TTLL7: variants seen among roughly 807,000 people sequenced by gnomAD.
The protein encoded by TTLL7 is tubulin tyrosine ligase like 7.
Under a neutral mutation model 120.2 loss-of-function variants are expected in TTLL7, and 53 were observed. The observed-to-expected ratio is 0.44, with a 90% CI of 0.35 to 0.55. The LOEUF is 0.55. Ranked by LOEUF, TTLL7 falls within the 20% of genes least tolerant of loss-of-function variation. TTLL7 has a pLI of 0.00. For synonymous variants in TTLL7, 353 were observed against 351.7 expected (o/e 1.00, Z -0.04); for missense variants, 803 against 1,054.7 (o/e 0.76, Z 3.31).
At chr1:83,903,370 A>T (rs1333877753) in intron 18 of TTLL7, among the ~76,000 whole-genome samples, 1 of 151,972 alleles carries the variant, frequency 6.6e-6, no homozygotes, top group African/African-American at 2.4e-5. Context: ...GTATAGCATG[A>T]TTCTCATTTA....
chr1:83,887,093 C>A, intron 19 of TTLL7: 1 of 327,108 alleles, frequency 3.1e-6, no homozygotes. Context: ...CAGCAAAACC[C>A]CTTGGCCAAC....
At position 83,999,064 on chromosome 1, in the gene TTLL7, C is replaced by G. The variant is rs1330362648; in HGVS notation, c.-310G>C. 1 of 446,480 alleles carries G rather than the reference C, an allele frequency of 2.2e-6. No homozygotes were observed. Among genetic ancestry groups the G allele is most frequent in the Non-Finnish European group, 4.5e-6 (1 of 224,356 alleles). 27.7% of individuals were successfully genotyped at this position (446,480 alleles called of 1,614,324 possible). On this transcript the variant is annotated 5_prime_UTR_variant, in exon 1 of 21. Coordinates refer to ENST00000260505, the MANE Select transcript of TTLL7 (RefSeq NM_024686.6). Reference sequence around the variant, plus strand: ...CCTGCACTGGTGGTCCGGTGCTCTCCTCCGCCCGCCCACCGCCCGTGGCAG... The same window carrying G: ...CCTGCACTGGTGGTCCGGTGCTCTCGTCCGCCCGCCCACCGCCCGTGGCAG...
intron 20 of TTLL7, among the ~76,000 whole-genome samples, chr1:83,875,825 T>A (rs1557515702): frequency 6.6e-6 from 1 of 151,966 alleles, no homozygotes. Flanking sequence ...TATTATATAA[T>A]CTTGTAAGAA....
intron 1 of TTLL7, among the ~76,000 whole-genome samples, chr1:83,955,121 A>G (rs931371291): frequency 6.6e-6 from 1 of 152,134 alleles, no homozygotes; most frequent in Non-Finnish European, 1.5e-5. Flanking sequence ...TTCCACATAA[A>G]ATACCACTTT....
At chr1:83,976,033 C>CTGTGTGTG (rs34596192) in intron 1 of TTLL7, among the ~76,000 whole-genome samples, 40 of 147,932 alleles carry the variant, frequency 2.7e-4, no homozygotes, top group South Asian at 6.5e-4. Flanking sequence ...TTGTCTCTCT[C>CTGTGTGTG]TGTGTGTGTG....
At chr1:83,922,960 G>A (rs1482035189) in intron 10 of TTLL7, among the ~76,000 whole-genome samples, 1 of 150,566 alleles carries the variant, frequency 6.6e-6, no homozygotes, top group African/African-American at 2.5e-5. Context: ...AGGAAGAATG[G>A]ATATGCTCTG....
intron 1 of TTLL7, among the ~76,000 whole-genome samples, chr1:83,964,217 A>C (rs747459957): frequency 4.6e-5 from 7 of 152,160 alleles, no homozygotes; most frequent in Non-Finnish European, 7.4e-5. Flanking sequence ...CTTTGAAAAC[A>C]GTGTATCTAT....
chr1:83,966,676 T>C (rs1650490698), intron 1 of TTLL7, among the ~76,000 whole-genome samples: 1 of 152,022 alleles, frequency 6.6e-6, no homozygotes, highest in Admixed American at 6.6e-5. Context: ...AAAATAGAGA[T>C]TGTCCATAAT....
Position 83,947,241 on chromosome 1 carries a change from C to T in TTLL7, c.389G>A (p.Arg130Gln), listed in dbSNP as rs769393930. ...ATATTCAGCAGGAAAGATCCAAGTTCGAGGAACAAAGGTATAATCCAGAGG... is the reference window on the plus strand; with the variant it reads ...ATATTCAGCAGGAAAGATCCAAGTTTGAGGAACAAAGGTATAATCCAGAGG... ...SRPLDYTFVP[R>Q]TWIFPAEYTQ... Residue 130 changes from arginine (R) to glutamine (Q), a missense_variant, in exon 6 of 21, where the codon CGA becomes CAA. Physicochemically the swap from Arg to Gln is conservative, Grantham distance 43 (BLOSUM62 1). Transcript: ENST00000260505. The T allele has an allele frequency of 9.9e-6, 16 of 1,611,750 alleles. No individual in the cohort carries two copies. The highest frequency in any genetic ancestry group is 1.3e-5 in the Non-Finnish European group (15 of 1,179,266).
chr1:83,892,710 A>ATG lies in TTLL7; in HGVS notation c.2209-2231_2209-2230dup, dbSNP rs1553129231. On this transcript the variant is annotated intron_variant, in intron 18 of 20. Coordinates refer to ENST00000260505, the MANE Select transcript of TTLL7 (RefSeq NM_024686.6). The stretch of plus-strand genomic sequence containing the variant: ...TATATATGAACATATATATGAACAT[A>ATG]TGAACATATATATGTGAACACATAT... Among the ~76,000 whole-genome samples, 494 of 149,780 alleles carry ATG rather than the reference A, an allele frequency of 3.3e-3. 1 individual carries two copies. Among genetic ancestry groups the ATG allele is most frequent in the African/African-American group, 9.1e-3 (373 of 40,768 alleles).
chr1:83,888,276 T>C (rs576149301), intron 19 of TTLL7, among the ~76,000 whole-genome samples: 1 of 152,020 alleles, frequency 6.6e-6, no homozygotes, highest in South Asian at 2.1e-4. Context: ...TAAATTCAGA[T>C]TGGGAGAACT....
intron 1 of TTLL7, among the ~76,000 whole-genome samples, chr1:83,962,272 G>A (rs1205046636): frequency 6.6e-6 from 1 of 151,962 alleles, no homozygotes; most frequent in African/African-American, 2.4e-5. Flanking sequence ...TCCATATCTT[G>A]GTAAAGGGTA....
In TTLL7 at chr1:83,869,861, C is replaced by T. The variant is rs1653178940; in HGVS notation, c.*101G>A. 1 of 1,345,356 alleles carries T rather than the reference C, an allele frequency of 7.4e-7. No homozygotes were observed. The highest frequency in any genetic ancestry group is 2.5e-5 in the East Asian group (1 of 40,140). The allele number at this position is 1,345,356 out of a possible 1,614,324, so 83.3% of individuals were successfully genotyped here. ...TTCACACATATATATGTCTTATATA[C>T]ATAAAACAGCACTTAATGGTCATGT... On this transcript the variant is annotated 3_prime_UTR_variant, in exon 21 of 21. Transcript: ENST00000260505.
chr1:83,952,709 A>C (rs1172220330), intron 1 of TTLL7, among the ~76,000 whole-genome samples: 1 of 152,238 alleles, frequency 6.6e-6, no homozygotes, highest in Non-Finnish European at 1.5e-5. Context: ...AGGCATTTAT[A>C]TTATACCATT....
At chr1:83,920,849 G>A (rs1658588437) in intron 12 of TTLL7, among the ~76,000 whole-genome samples, 1 of 152,010 alleles carries the variant, frequency 6.6e-6, no homozygotes, top group Admixed American at 6.6e-5. Flanking sequence ...TACAGTCACA[G>A]GATAACAGCA....
intron 18 of TTLL7, 77 bp from the exon 19 acceptor site, chr1:83,890,558 A>G (rs1655382043): frequency 8.1e-7 from 1 of 1,236,502 alleles, no homozygotes; most frequent in South Asian, 1.5e-5. Flanking sequence ...GCTTGAGCTC[A>G]GGAGTTCCAG....
chr1:83,952,569 A>G (rs890102588), intron 1 of TTLL7, among the ~76,000 whole-genome samples, 182 bp from the exon 2 acceptor site: 1 of 152,206 alleles, frequency 6.6e-6, no homozygotes, highest in Admixed American at 6.5e-5. Flanking sequence ...ATCCTGAAAG[A>G]ATGCATAGTC....
intron 1 of TTLL7, among the ~76,000 whole-genome samples, chr1:83,975,724 A>G (rs1651405156): frequency 6.6e-6 from 1 of 152,122 alleles, no homozygotes; most frequent in Admixed American, 6.5e-5. Context: ...AAAAGAGCCA[A>G]TTAGTTACTT....
rs201287031 is a variant in TTLL7, at chr1:83,907,506, T to G, written c.1942A>C (p.Met648Leu). Reference protein sequence around the residue: ...SHSLNRASSYMRHLPHSNDAC... With the variant: ...SHSLNRASSYLRHLPHSNDAC... ...TCATTACTGTGAGGCAGATGCCTCA[T>G]GTAGGAGGAAGCACGGTTTAAGGAA... is the stretch of plus-strand genomic sequence containing the variant. The change falls in exon 16 of 21, where the codon ATG (methionine) becomes CTG (leucine). Residue 648 changes from methionine to leucine, a missense_variant. Physicochemically the swap from Met to Leu is conservative, Grantham distance 15. Around this residue, in one of 3 missense-constraint regions of TTLL7, gnomAD observed 388 missense variants for 450.4 expected, o/e 0.86. Coordinates refer to ENST00000260505, the MANE Select transcript of TTLL7 (RefSeq NM_024686.6). The G allele has an allele frequency of 6.2e-7, 1 of 1,613,042 alleles. No individual in the cohort carries two copies. Among genetic ancestry groups the G allele is most frequent in the Non-Finnish European group, 8.5e-7 (1 of 1,179,338 alleles).
Sources: allele counts gnomAD v4.1 joint callset (sites outside exome capture counted in the v4.1 genomes callset), GRCh38; gene constraint gnomAD v4.1.1; regional missense constraint gnomAD v4.1.1; transcripts MANE v1.5; gene names NCBI Gene and HGNC (gene_info 2026-07-23, HGNC 2026-07-21).